Variants in THSD7A observed in about 807,000 individuals in gnomAD.
THSD7A encodes the protein thrombospondin type-1 domain-containing protein 7A.
Under a neutral mutation model 231.3 loss-of-function variants are expected in THSD7A, and 96 were observed. The ratio of observed to expected loss-of-function variants is 0.41; its 90% confidence interval spans 0.35 to 0.49. The LOEUF (loss-of-function observed/expected upper bound fraction) is 0.49. THSD7A is among the 20% of genes least tolerant of loss of function. The probability of loss-of-function intolerance (pLI) is 0.05; values close to 1 mark genes in which losing one functional copy is unlikely to be tolerated. For synonymous variants in THSD7A, 940 were observed against 743.3 expected, an observed-to-expected ratio of 1.26 and a Z score of -4.30; for missense variants, 2,290 against 2,070.2, an observed-to-expected ratio of 1.11 and a Z score of -2.06.
chr7:11,424,888 C>A (rs917722435), intron 15 of THSD7A, 59 bp from the exon 16 acceptor site: 1 of 1,598,794 alleles, frequency 6.3e-7, no homozygotes, highest in Non-Finnish European at 8.5e-7. Context: ...AGGAGGAAGA[C>A]TTCCACACCA....
intron 1 of THSD7A, among the ~76,000 whole-genome samples, chr7:11,795,071 G>GT (rs1381193602): frequency 6.6e-6 from 1 of 151,790 alleles, no homozygotes; most frequent in East Asian, 1.9e-4. Context: ...CAGGTGAGTT[G>GT]TTTTTTAAAT....
chr7:11,589,521 A>G (rs1354537076), intron 4 of THSD7A, among the ~76,000 whole-genome samples: 2 of 152,196 alleles, frequency 1.3e-5, no homozygotes, highest in East Asian at 3.9e-4. Context: ...GTTGTATGGC[A>G]TGGCATATTG....
intron 1 of THSD7A, among the ~76,000 whole-genome samples, chr7:11,666,448 T>G (rs1023534145): frequency 3.3e-5 from 5 of 151,940 alleles, no homozygotes; most frequent in Non-Finnish European, 5.9e-5. Flanking sequence ...ACTCAAAATG[T>G]TTTGGATTTT....
intron 6 of THSD7A, among the ~76,000 whole-genome samples, chr7:11,486,305 T>G (rs1786654542): frequency 6.6e-6 from 1 of 152,218 alleles, no homozygotes; most frequent in South Asian, 2.1e-4. Context: ...TAACATTACT[T>G]CAGAGTATAT....
chr7:11,413,319 C>T (rs1226822914), intron 17 of THSD7A, among the ~76,000 whole-genome samples: 2 of 151,526 alleles, frequency 1.3e-5, no homozygotes, highest in Non-Finnish European at 2.9e-5. Context: ...GTTCTAAGAC[C>T]TGCAACTGAC....
rs183227178 is a variant in THSD7A, at chr7:11,464,076, C to T, written c.2369-1933G>A. ...ATTTTTCTCTCCCTCTTCCTTCTAC[C>T]CCCTTCCTATTCACTACCTGGATTT... On this transcript the variant is annotated intron_variant, in intron 9 of 27. Transcript: ENST00000423059. Among the ~76,000 whole-genome samples, 199 of 152,182 alleles carry T rather than the reference C, an allele frequency of 1.3e-3. 1 individual carries two copies. The highest frequency in any genetic ancestry group is 4.5e-3 in the African/African-American group (188 of 41,530).
At chr7:11,685,315 G>C (rs1779998629) in intron 1 of THSD7A, among the ~76,000 whole-genome samples, 1 of 151,714 alleles carries the variant, frequency 6.6e-6, no homozygotes, top group African/African-American at 2.4e-5. Flanking sequence ...TTTGGCCTAG[G>C]TAAAAAATTT....
intron 23 of THSD7A, among the ~76,000 whole-genome samples, chr7:11,394,308 G>T (rs542981882): frequency 6.6e-6 from 1 of 152,232 alleles, no homozygotes; most frequent in Non-Finnish European, 1.5e-5. Context: ...AGACAAGCAA[G>T]TGCTGAGAGA....
At chr7:11,414,915 T>G (rs189434711) in intron 17 of THSD7A, among the ~76,000 whole-genome samples, 5 of 152,214 alleles carry the variant, frequency 3.3e-5, no homozygotes, top group Non-Finnish European at 4.4e-5. Flanking sequence ...CCGTTACTGA[T>G]AGACAGTAAA....
intron 4 of THSD7A, among the ~76,000 whole-genome samples, chr7:11,582,156 A>C (rs1791193876): frequency 6.6e-6 from 1 of 151,916 alleles, no homozygotes; most frequent in Non-Finnish European, 1.5e-5. Context: ...ACTTCTATTA[A>C]ATTGATTAAA....
intron 11 of THSD7A, among the ~76,000 whole-genome samples, chr7:11,457,677 T>G (rs966911471): frequency 2.0e-5 from 3 of 152,090 alleles, no homozygotes; most frequent in Non-Finnish European, 4.4e-5. Context: ...TTGACATTTA[T>G]AGCCTTCCAC....
In THSD7A at chr7:11,411,142, T is replaced by C; in HGVS notation, c.3798+65A>G. On this transcript the variant is annotated intron_variant, in intron 19 of 27. Coordinates refer to ENST00000423059, the MANE Select transcript of THSD7A (RefSeq NM_015204.3). This position sits in a 1 kb window ranked among gnomAD's most constrained non-coding sequence, Gnocchi z 4.1. ...CTGCATGGAGCACGGGTCACTTGGCTCAGCATGAATTGAAATTATTAGGGA... is the reference window on the plus strand; with the variant it reads ...CTGCATGGAGCACGGGTCACTTGGCCCAGCATGAATTGAAATTATTAGGGA... The C allele has an allele frequency of 7.8e-7, 1 of 1,280,204 alleles. No individual in the cohort carries two copies. Among genetic ancestry groups the C allele is most frequent in the Non-Finnish European group, 1.1e-6 (1 of 894,166 alleles). The allele number at this position is 1,280,204 out of a possible 1,614,324, so 79.3% of individuals were successfully genotyped here. A position where few individuals can be genotyped will look rare whatever the true frequency, so the allele number is the denominator to read the frequency against.
chr7:11,591,014 G>A (rs979330037), intron 3 of THSD7A, among the ~76,000 whole-genome samples: 7 of 152,156 alleles, frequency 4.6e-5, no homozygotes, highest in African/African-American at 1.7e-4. Context: ...GAAACATTCT[G>A]AGTGATGATG....
At chr7:11,817,674 G>T (rs1479085283) in intron 1 of THSD7A, among the ~76,000 whole-genome samples, 2 of 152,162 alleles carry the variant, frequency 1.3e-5, no homozygotes, top group Non-Finnish European at 2.9e-5. Context: ...GCAGTTACTT[G>T]TGCCAGGCAC....
At chr7:11,612,466 C>T (rs1475560108) in intron 2 of THSD7A, among the ~76,000 whole-genome samples, 4 of 152,210 alleles carry the variant, frequency 2.6e-5, no homozygotes, top group Non-Finnish European at 5.9e-5. Flanking sequence ...GTAGGTATGA[C>T]AGTCAAAATC....
intron 4 of THSD7A, among the ~76,000 whole-genome samples, chr7:11,579,982 G>A (rs1236486917): frequency 8.5e-5 from 13 of 152,060 alleles, no homozygotes; most frequent in Admixed American, 8.5e-4. Context: ...TTAAGGTTTG[G>A]GCCCTTCTAA....
At chr7:11,828,274 G>C (rs989163323) in intron 1 of THSD7A, among the ~76,000 whole-genome samples, 2 of 152,072 alleles carry the variant, frequency 1.3e-5, no homozygotes, top group African/African-American at 4.8e-5. Context: ...CCACATCCTG[G>C]GCTTGAGGTG....
intron 1 of THSD7A, among the ~76,000 whole-genome samples, chr7:11,642,323 A>G (rs1277123584): frequency 6.6e-6 from 1 of 152,106 alleles, no homozygotes; most frequent in Non-Finnish European, 1.5e-5. Context: ...TGCTTCTTTT[A>G]TTGTTTTGTT....
In THSD7A at chr7:11,373,330, A is replaced by G. The variant is rs1583623245; in HGVS notation, c.*2464T>C. The G allele has an allele frequency of 6.6e-6, 1 of 152,042 alleles. No homozygotes were observed. Among genetic ancestry groups the G allele is most frequent in the South Asian group, 2.1e-4 (1 of 4,816 alleles). The allele number at this position is 152,042 out of a possible 1,614,324, so 9.4% of individuals were successfully genotyped here. ...GGTTAGCTGAATTTTTCAAGTAACC[A>G]CAATAGAGTCTTTCTTAACTATTTT... On this transcript the variant is annotated 3_prime_UTR_variant, in exon 28 of 28. Coordinates refer to ENST00000423059, the MANE Select transcript of THSD7A (RefSeq NM_015204.3).
Sources: allele counts gnomAD v4.1 joint callset (sites outside exome capture counted in the v4.1 genomes callset), GRCh38; gene constraint gnomAD v4.1.1; non-coding constraint Gnocchi (gnomAD v3.1); transcripts MANE v1.5; gene names NCBI Gene and HGNC (gene_info 2026-07-23, HGNC 2026-07-21).